The following TDRD1 variants were observed in gnomAD, a reference collection of about 807,000 sequenced individuals.
TDRD1 encodes tudor domain containing 1, also known as tudor domain-containing protein 1.
In TDRD1, 37 loss-of-function variants were observed where a neutral mutation model predicts 140.6. The ratio of observed to expected loss-of-function variants is 0.26; its 90% CI spans 0.20 to 0.35. The LOEUF (loss-of-function observed/expected upper bound fraction) is 0.35. Ranked by LOEUF, TDRD1 falls within the 10% of genes least tolerant of loss-of-function variation. The pLI, the probability that TDRD1 is intolerant of heterozygous loss-of-function variation, is 1.00. For missense variants in TDRD1, 1,243 were observed against 1,393.0 expected, an observed-to-expected ratio of 0.89 and a Z score of 1.71; for synonymous variants, 506 against 475.7, an observed-to-expected ratio of 1.06 and a Z score of -0.83.
rs1447672315 is a variant in TDRD1, at chr10:114,218,639, C to G, written c.2494+55C>G. The G allele has an allele frequency of 3.2e-6, 4 of 1,254,394 alleles. No homozygotes were observed. The African/African-American group carries it at 4.5e-5, about 14-fold the overall frequency. The allele number at this position is 1,254,394 out of a possible 1,614,324, so 77.7% of individuals were successfully genotyped here. A position where few individuals can be genotyped will look rare whatever the true frequency, so the allele number is the denominator to read the frequency against. On this transcript the variant is annotated intron_variant, in intron 18 of 25. Transcript: ENST00000251864. ...CTTTCTAATACTTGGGGCATATAAT[C>G]CAAGTGTTAATATCTACAATGTTAA... is the stretch of plus-strand genomic sequence containing the variant.
At chr10:114,182,423 T>C (rs1234249446) in intron 1 of TDRD1, among the ~76,000 whole-genome samples, 1 of 152,256 alleles carries the variant, frequency 6.6e-6, no homozygotes, top group Non-Finnish European at 1.5e-5. Flanking sequence ...GTAAAAATCC[T>C]CTTTATTTGC....
At chr10:114,207,768 G>GA (rs2035221133) in intron 11 of TDRD1, among the ~76,000 whole-genome samples, 1 of 152,038 alleles carries the variant, frequency 6.6e-6, no homozygotes, top group African/African-American at 2.4e-5. Flanking sequence ...ATGCTTCCAG[G>GA]AGGGGGAGTC....
chr10:114,196,199 C>T (rs1450923380), intron 3 of TDRD1, among the ~76,000 whole-genome samples: 2 of 152,202 alleles, frequency 1.3e-5, no homozygotes, highest in Non-Finnish European at 2.9e-5. Context: ...CCACCTCAGA[C>T]TCACAAAGTG....
At chr10:114,187,001 A>G (rs1033603238) in intron 1 of TDRD1, among the ~76,000 whole-genome samples, 4 of 152,200 alleles carry the variant, frequency 2.6e-5, no homozygotes, top group African/African-American at 9.6e-5. Flanking sequence ...CAAAGCTATC[A>G]GTCACTACTT....
chr10:114,201,650 C>A, intron 5 of TDRD1, 135 bp downstream of exon 5: 1 of 626,010 alleles, frequency 1.6e-6, no homozygotes, highest in Non-Finnish European at 2.7e-6. Context: ...GTGTACAAAT[C>A]TGAAGTGAAC....
chr10:114,230,541 A>G (rs1229966243), intron 25 of TDRD1, among the ~76,000 whole-genome samples: 2 of 152,224 alleles, frequency 1.3e-5, no homozygotes, highest in East Asian at 3.9e-4. Flanking sequence ...AATCACATAC[A>G]GGCTGAAACA....
At chr10:114,224,427 G>C (rs1009601492) in intron 21 of TDRD1, among the ~76,000 whole-genome samples, 2 of 152,130 alleles carry the variant, frequency 1.3e-5, no homozygotes, top group East Asian at 3.8e-4. Flanking sequence ...GGCACTCAGT[G>C]GGTGGGCCCC....
At chr10:114,216,811 T>C (rs11196657) in intron 16 of TDRD1, among the ~76,000 whole-genome samples, 38,361 of 152,148 alleles carry the variant, frequency 0.25, 5,132 homozygotes, top group African/African-American at 0.33. Flanking sequence ...ATCTGAAAGG[T>C]GAAACATCTG....
intron 2 of TDRD1, among the ~76,000 whole-genome samples, chr10:114,189,737 A>G (rs560690150): frequency 2.6e-5 from 4 of 152,326 alleles, no homozygotes; most frequent in Admixed American, 1.3e-4. Flanking sequence ...GATTACGGGC[A>G]TGAACCACCG....
Position 114,206,350 on chromosome 10 carries a change from G to T in TDRD1, c.1384+20G>T. The T allele has an allele frequency of 6.3e-7, 1 of 1,595,092 alleles. No homozygotes were observed. The highest frequency in any genetic ancestry group is 8.6e-7 in the Non-Finnish European group (1 of 1,164,488). ...ATCAAAGTGAGTATAGATTGATATT[G>T]AACGGTATAGCGACTTCAGTTATTG... On this transcript the variant is annotated intron_variant, in intron 11 of 25. Coordinates refer to ENST00000251864, the Ensembl canonical transcript of TDRD1.
At chr10:114,208,216 AG>A (rs776195352) in intron 11 of TDRD1, among the ~76,000 whole-genome samples, 1 of 152,198 alleles carries the variant, frequency 6.6e-6, no homozygotes, top group Non-Finnish European at 1.5e-5. Context: ...GGATCATTAA[AG>A]GTCGCAGGAG....
chr10:114,206,155 G>T, intron 10 of TDRD1, 89 bp from the exon 11 acceptor site: 2 of 969,650 alleles, frequency 2.1e-6, no homozygotes, highest in Non-Finnish European at 3.2e-6. Context: ...AACGTGTGTT[G>T]TATGATTGAC....
chr10:114,226,744 A>T (rs1029075196), intron 22 of TDRD1, among the ~76,000 whole-genome samples: 4 of 152,214 alleles, frequency 2.6e-5, no homozygotes, highest in African/African-American at 7.2e-5. Context: ...GGACTTGCAG[A>T]TAATACCATA....
intron 4 of TDRD1, among the ~76,000 whole-genome samples, chr10:114,200,733 G>A (rs1233883702): frequency 6.6e-6 from 1 of 152,082 alleles, no homozygotes; most frequent in East Asian, 1.9e-4. Context: ...ATGTTGGCCA[G>A]GCTGGTCTCA....
At chr10:114,202,921 G>A in intron 6 of TDRD1, 151 bp from the exon 7 acceptor site, 3 of 641,370 alleles carry the variant, frequency 4.7e-6, no homozygotes, top group South Asian at 1.7e-5. Context: ...GTGGGTTTTA[G>A]TGACTCTTGG....
chr10:114,193,996 T>A (rs1307849737), intron 3 of TDRD1, among the ~76,000 whole-genome samples: 1 of 152,196 alleles, frequency 6.6e-6, no homozygotes, highest in Admixed American at 6.5e-5. Context: ...ATTTGGTGGA[T>A]TACATTGATA....
rs896806539 is a variant in TDRD1, at chr10:114,186,364, T to C, written c.-6-1462T>C. ...CTGCAAGCTCCGCCTCCTGAGTTCA[T>C]GCCATTCTCCTGCCTCAGCCTCCTG... is the stretch of plus-strand genomic sequence containing the variant. On this transcript the variant is annotated intron_variant, in intron 1 of 25. Coordinates refer to ENST00000251864, the Ensembl canonical transcript of TDRD1. Among the ~76,000 whole-genome samples the C allele has an allele frequency of 1.4e-4, 21 of 152,014 alleles. No homozygotes were observed. In the East Asian group the frequency reaches 2.1e-3, roughly 15 times the overall value.
exon 24 of TDRD1, chr10:114,227,929 T>G: frequency 1.9e-6 from 3 of 1,613,888 alleles, no homozygotes; most frequent in Non-Finnish European, 2.5e-6. Flanking sequence ...ATAGGATGAA[T>G]TGCTGCTGCA....
At chr10:114,228,496 T>C (rs778697811) in intron 25 of TDRD1, 17 of 1,013,010 alleles carry the variant, frequency 1.7e-5, no homozygotes, top group Non-Finnish European at 1.9e-5. Flanking sequence ...AGCTCACTTA[T>C]GCACATTGCT....
Sources: allele counts gnomAD v4.1 joint callset (sites outside exome capture counted in the v4.1 genomes callset), GRCh38; gene constraint gnomAD v4.1.1; transcripts MANE v1.5; gene names NCBI Gene and HGNC (gene_info 2026-07-23, HGNC 2026-07-21).